Variants in ADGRB3 observed in about 807,000 individuals in gnomAD.
The protein encoded by ADGRB3 is adhesion G protein-coupled receptor B3.
ADGRB3 carries 37 observed loss-of-function variants against 193.4 expected under a neutral mutation model. The observed-to-expected ratio is 0.19, with a 90% confidence interval of 0.15 to 0.25. The LOEUF (loss-of-function observed/expected upper bound fraction) is 0.25. Among genes scored for constraint, ADGRB3 ranks in the 10% least tolerant of loss-of-function variants. The pLI is 1.00. For missense variants in ADGRB3, 1,637 were observed against 1,852.9 expected (o/e 0.88, Z 2.14); for synonymous variants, 690 against 644.2 (o/e 1.07, Z -1.08).
chr6:68,820,507 G>A (rs1767729420), intron 3 of ADGRB3, among the ~76,000 whole-genome samples: 1 of 151,886 alleles, frequency 6.6e-6, no homozygotes, highest in Non-Finnish European at 1.5e-5. Flanking sequence ...CATTCAAATT[G>A]CACTCTTTTA....
chr6:68,661,118 A>G (rs914624143), intron 3 of ADGRB3, among the ~76,000 whole-genome samples: 1 of 150,266 alleles, frequency 6.7e-6, no homozygotes, highest in Non-Finnish European at 1.5e-5. Flanking sequence ...CTCTAGGTAT[A>G]GTATTACATG....
chr6:69,256,477 C>A (rs13212773), intron 20 of ADGRB3, among the ~76,000 whole-genome samples: 21 of 151,942 alleles, frequency 1.4e-4, no homozygotes, highest in Middle Eastern at 3.4e-3. Flanking sequence ...TGTGAATGGG[C>A]GTTCACTCAT....
rs1362343660 is a variant in ADGRB3 at position 68,661,363 on chromosome 6, GTATATATA to G, written c.757+21933_757+21940del. Among the ~76,000 whole-genome samples the G allele has an allele frequency of 6.3e-4, 61 of 97,082 alleles. 7 individuals carry two copies. The highest frequency in any genetic ancestry group is 4.3e-3 in the Middle Eastern group (1 of 230). The allele number at this position is 97,082 out of a possible 152,430, so 63.7% of individuals were successfully genotyped here. A position where few individuals can be genotyped will look rare whatever the true frequency, so the allele number is the denominator to read the frequency against. On this transcript the variant is annotated intron_variant, in intron 3 of 31. Transcript: ENST00000370598. ...TATATGTGTGTGTGTGTGTGTGTGT[GTATATATA>G]TGTGTATACATATATATATGTGTGT...
chr6:69,245,706 C>T lies in ADGRB3; in HGVS notation c.2814+6480C>T, dbSNP rs191104161. On this transcript the variant is annotated intron_variant, in intron 20 of 31. Transcript: ENST00000370598. ...TGTCTCAAGCTCATTCTCTGACACT[C>T]TGATGAGTTTTCCCATTAGAGAAAA... Among the ~76,000 whole-genome samples the T allele has an allele frequency of 9.1e-4, 139 of 152,222 alleles. 1 individual carries two copies. The highest frequency in any genetic ancestry group is 4.1e-4 in the South Asian group (2 of 4,830).
intron 20 of ADGRB3, among the ~76,000 whole-genome samples, chr6:69,279,044 A>C (rs2127284018): frequency 7.3e-6 from 1 of 136,220 alleles, no homozygotes; most frequent in East Asian, 2.2e-4. Flanking sequence ...CTTCCTCAAC[A>C]CCTCATATGG....
chr6:69,380,587 T>C (rs1769926291), intron 30 of ADGRB3, among the ~76,000 whole-genome samples: 1 of 151,842 alleles, frequency 6.6e-6, no homozygotes, highest in South Asian at 2.1e-4. Flanking sequence ...AAAGAGAGGA[T>C]AGACAAATAA....
intron 20 of ADGRB3, among the ~76,000 whole-genome samples, chr6:69,272,016 A>G (rs1285215443): frequency 1.3e-5 from 2 of 152,238 alleles, no homozygotes; most frequent in East Asian, 3.8e-4. Flanking sequence ...AGAAAATTCC[A>G]AACACATTAG....
At chr6:68,859,051 C>T (rs528819334) in intron 3 of ADGRB3, among the ~76,000 whole-genome samples, 2 of 151,884 alleles carry the variant, frequency 1.3e-5, no homozygotes, top group African/African-American at 2.4e-5. Flanking sequence ...AACTTTTGTG[C>T]TCTGTCACCC....
At chr6:69,014,537 A>G (rs764167587) in intron 12 of ADGRB3, among the ~76,000 whole-genome samples, 1 of 152,052 alleles carries the variant, frequency 6.6e-6, no homozygotes, top group Non-Finnish European at 1.5e-5. Context: ...CAAGAATTGT[A>G]AAAATCAGGC....
At chr6:69,240,446 C>T (rs982913884) in intron 20 of ADGRB3, among the ~76,000 whole-genome samples, 10 of 151,484 alleles carry the variant, frequency 6.6e-5, no homozygotes, top group Admixed American at 2.0e-4. Context: ...AGAAAGAATC[C>T]GAAAGAAAGT....
chr6:68,651,400 A>G (rs1440161752), intron 3 of ADGRB3, among the ~76,000 whole-genome samples: 2 of 152,308 alleles, frequency 1.3e-5, no homozygotes, highest in African/African-American at 4.8e-5. Context: ...TTAAAAACAT[A>G]TGAGTTCTTT....
intron 3 of ADGRB3, among the ~76,000 whole-genome samples, chr6:68,878,417 A>G (rs1038373659): frequency 6.6e-6 from 1 of 151,362 alleles, no homozygotes; most frequent in Admixed American, 6.6e-5. Flanking sequence ...TACTGATGGC[A>G]AAATTGTAAA....
chr6:69,310,817 C>T (rs1421268383), intron 20 of ADGRB3, among the ~76,000 whole-genome samples: 1 of 151,638 alleles, frequency 6.6e-6, no homozygotes, highest in Non-Finnish European at 1.5e-5. Flanking sequence ...AGAAAAAGAC[C>T]TCCTAGAGTT....
chr6:68,659,446 T>C (rs1432075381), intron 3 of ADGRB3, among the ~76,000 whole-genome samples: 1 of 144,302 alleles, frequency 6.9e-6, no homozygotes, highest in Non-Finnish European at 1.6e-5. Context: ...TAAAGTTTCC[T>C]TTTTTTCTTA....
chr6:68,819,423 C>A (rs1463605704), intron 3 of ADGRB3, among the ~76,000 whole-genome samples: 1 of 151,910 alleles, frequency 6.6e-6, no homozygotes, highest in Non-Finnish European at 1.5e-5. Context: ...TATTAGCCTG[C>A]CTTTCTTCTT....
At chr6:69,092,715 A>G (rs1050174387) in intron 17 of ADGRB3, among the ~76,000 whole-genome samples, 2 of 152,228 alleles carry the variant, frequency 1.3e-5, no homozygotes, top group Admixed American at 6.5e-5. Flanking sequence ...CATAGAAGGC[A>G]GAACCAATCA....
At chr6:69,030,659 C>T (rs1053693928) in intron 13 of ADGRB3, among the ~76,000 whole-genome samples, 1 of 152,094 alleles carries the variant, frequency 6.6e-6, no homozygotes, top group Non-Finnish European at 1.5e-5. Context: ...GGAGAAATAC[C>T]TAATGTAGAT....
At chr6:69,153,933 C>T (rs1364544587) in intron 17 of ADGRB3, among the ~76,000 whole-genome samples, 1 of 151,934 alleles carries the variant, frequency 6.6e-6, no homozygotes, top group Non-Finnish European at 1.5e-5. Context: ...GCAGAGCCTG[C>T]AGTGAGCCGA....
At chr6:69,089,503 A>T (rs941294369) in intron 17 of ADGRB3, among the ~76,000 whole-genome samples, 1 of 152,146 alleles carries the variant, frequency 6.6e-6, no homozygotes, top group Non-Finnish European at 1.5e-5. Context: ...CTTAGCCTCT[A>T]TTGTTAGGGT....
Sources: gnomAD v4.1 joint callset for allele counts (sites outside exome capture counted in the v4.1 genomes callset) on GRCh38, gnomAD v4.1.1 for gene constraint, MANE v1.5 for transcripts, NCBI Gene and HGNC (gene_info 2026-07-23, HGNC 2026-07-21) for gene names.